L3MBTL4: variants seen among roughly 807,000 people sequenced by gnomAD.
The protein encoded by L3MBTL4 is L3MBTL histone methyl-lysine binding protein 4.
In L3MBTL4, 70 loss-of-function variants were observed where a neutral mutation model predicts 84.5. That is an observed-to-expected ratio of 0.83 (90% CI 0.68 to 1.01). The LOEUF is 1.01. L3MBTL4 is among the 50% of genes least tolerant of loss of function. The pLI, the probability that L3MBTL4 is intolerant of heterozygous loss-of-function variation, is 0.00. For synonymous variants in L3MBTL4, 274 were observed against 259.8 expected, an observed-to-expected ratio of 1.05 and a Z score of -0.52; for missense variants, 715 against 754.8, an observed-to-expected ratio of 0.95 and a Z score of 0.62.
chr18:6,311,244 G>A (rs989660317), intron 3 of L3MBTL4, among the ~76,000 whole-genome samples: 1 of 151,798 alleles, frequency 6.6e-6, no homozygotes, highest in African/African-American at 2.4e-5. Context: ...CTGTTTCTCT[G>A]GAGAACCCTA....
intron 16 of L3MBTL4, among the ~76,000 whole-genome samples, chr18:6,049,608 C>T (rs1368674397): frequency 6.6e-6 from 1 of 152,152 alleles, no homozygotes; most frequent in Admixed American, 6.5e-5. Context: ...AGTGAATTAA[C>T]ACCAGAACAG....
At chr18:6,033,373 A>C (rs1391361376) in intron 16 of L3MBTL4, among the ~76,000 whole-genome samples, 2 of 152,110 alleles carry the variant, frequency 1.3e-5, no homozygotes, top group Admixed American at 6.6e-5. Flanking sequence ...ATCTAAAGTG[A>C]GTCTTTTGAA....
intron 1 of L3MBTL4, among the ~76,000 whole-genome samples, chr18:6,345,016 A>G (rs2052806612): frequency 6.6e-6 from 1 of 152,024 alleles, no homozygotes; most frequent in South Asian, 2.1e-4. Context: ...AAAAAAAGGC[A>G]TCCAAGTCAG....
chr18:6,363,331 G>A (rs1421401615), intron 1 of L3MBTL4, among the ~76,000 whole-genome samples: 1 of 152,004 alleles, frequency 6.6e-6, no homozygotes, highest in Non-Finnish European at 1.5e-5. Flanking sequence ...CGACTCCCAG[G>A]CCCCCCGGGT....
chr18:6,150,717 A>G (rs2042856983), intron 13 of L3MBTL4, among the ~76,000 whole-genome samples: 1 of 152,170 alleles, frequency 6.6e-6, no homozygotes, highest in Admixed American at 6.5e-5. Flanking sequence ...AGACTGTAGA[A>G]CTGAGAGAGA....
At chr18:6,310,748 A>G (rs1252103446) in intron 3 of L3MBTL4, among the ~76,000 whole-genome samples, 3 of 152,206 alleles carry the variant, frequency 2.0e-5, no homozygotes, top group Non-Finnish European at 2.9e-5. Flanking sequence ...TTAAATTTGC[A>G]GGAATACATA....
chr18:6,199,725 C>A (rs893141926), intron 12 of L3MBTL4, among the ~76,000 whole-genome samples: 3 of 152,220 alleles, frequency 2.0e-5, no homozygotes, highest in Admixed American at 6.5e-5. Context: ...CAGAAAGAGA[C>A]CTCTATGACC....
At chr18:5,988,482 A>C (rs1475092226) in intron 16 of L3MBTL4, among the ~76,000 whole-genome samples, 1 of 152,218 alleles carries the variant, frequency 6.6e-6, no homozygotes, top group African/African-American at 2.4e-5. Flanking sequence ...AATCACTAAA[A>C]AAATCTACTT....
At chr18:6,260,854 G>T (rs2048367790) in intron 5 of L3MBTL4, 1 of 152,204 alleles carries the variant, frequency 6.6e-6, no homozygotes, top group Non-Finnish European at 1.5e-5. Flanking sequence ...ATAAAATTGA[G>T]TTTAGTCTGA....
intron 16 of L3MBTL4, among the ~76,000 whole-genome samples, chr18:6,001,668 G>A (rs1235894318): frequency 6.6e-6 from 1 of 152,096 alleles, no homozygotes; most frequent in Non-Finnish European, 1.5e-5. Context: ...ATTCACTAGA[G>A]GGATACTAAA....
chr18:6,413,837 T>C (rs1005369630), intron 1 of L3MBTL4: 1 of 152,358 alleles, frequency 6.6e-6, no homozygotes, highest in African/African-American at 2.4e-5. Context: ...CTTCCCTTTA[T>C]TTAGTTCCAC....
chr18:6,396,995 T>G (rs2055299208), intron 1 of L3MBTL4: 1 of 152,180 alleles, frequency 6.6e-6, no homozygotes, highest in Non-Finnish European at 1.5e-5. Context: ...AGTGTAAAAA[T>G]AGATGTTTAG....
At chr18:6,086,227 C>G (rs1223226323) in intron 15 of L3MBTL4, among the ~76,000 whole-genome samples, 1 of 152,128 alleles carries the variant, frequency 6.6e-6, no homozygotes, top group Non-Finnish European at 1.5e-5. Context: ...TGCTGGTGCT[C>G]AGGCTGCAAG....
intron 14 of L3MBTL4, among the ~76,000 whole-genome samples, chr18:6,111,223 T>C (rs750928336): frequency 3.9e-5 from 6 of 152,096 alleles, no homozygotes; most frequent in Non-Finnish European, 8.8e-5. Context: ...GATAAGGGTT[T>C]TCTTTGGGGC....
chr18:5,995,111 CAT>C (rs1353162579), intron 16 of L3MBTL4, among the ~76,000 whole-genome samples: 1 of 152,264 alleles, frequency 6.6e-6, no homozygotes, highest in African/African-American at 2.4e-5. Context: ...GCTAGAGAAA[CAT>C]GTGCGTCCAG....
chr18:6,172,067 G>A, intron 12 of L3MBTL4, 125 bp from the exon 13 acceptor site: 1 of 528,140 alleles, frequency 1.9e-6, no homozygotes, highest in Non-Finnish European at 3.4e-6. Flanking sequence ...CCTTGCAGTT[G>A]AAATAATATT....
chr18:6,178,510 A>C (rs1381044005), intron 12 of L3MBTL4, among the ~76,000 whole-genome samples: 1 of 152,214 alleles, frequency 6.6e-6, no homozygotes, highest in Non-Finnish European at 1.5e-5. Flanking sequence ...CTCATTTTGA[A>C]AACCAAATCA....
intron 14 of L3MBTL4, among the ~76,000 whole-genome samples, chr18:6,107,656 A>G (rs1568131398): frequency 6.6e-6 from 1 of 151,986 alleles, no homozygotes; most frequent in Non-Finnish European, 1.5e-5. Context: ...TGGAGCTAAG[A>G]TAATAAACGT....
chr18:6,277,690 T>A (rs988109559), intron 4 of L3MBTL4, among the ~76,000 whole-genome samples: 1 of 152,194 alleles, frequency 6.6e-6, no homozygotes, highest in African/African-American at 2.4e-5. Context: ...GTTTTCTTCA[T>A]ATAAGGCCCT....
Sources: allele counts gnomAD v4.1 joint callset (sites outside exome capture counted in the v4.1 genomes callset), GRCh38; gene constraint gnomAD v4.1.1; transcripts MANE v1.5; gene names NCBI Gene and HGNC (gene_info 2026-07-23, HGNC 2026-07-21).